The following ORC4 variants were observed in gnomAD, a reference collection of about 807,000 sequenced individuals.
The protein encoded by ORC4 is origin recognition complex, subunit 4 homolog.
ORC4 carries 55 observed loss-of-function variants against 63.9 expected under a neutral mutation model. The observed-to-expected ratio is 0.86, with a 90% confidence interval of 0.69 to 1.08. The LOEUF (loss-of-function observed/expected upper bound fraction) is 1.08, where lower values mean the gene tolerates loss of function less well. Ranked by LOEUF, ORC4 falls within the 50% of genes least tolerant of loss-of-function variation. The pLI is 0.00. For missense variants in ORC4, 511 were observed against 504.4 expected (o/e 1.01, Z -0.13); for synonymous variants, 150 against 168.5 (o/e 0.89, Z 0.85).
chr2:147,988,405 G>A (rs1054217738), intron 1 of ORC4, among the ~76,000 whole-genome samples: 1 of 151,614 alleles, frequency 6.6e-6, no homozygotes, highest in Non-Finnish European at 1.5e-5. Flanking sequence ...TGTCGCCCTG[G>A]TGGGAGTGCA....
At chr2:147,955,728 G>A (rs567428210) in intron 6 of ORC4, among the ~76,000 whole-genome samples, 6 of 152,090 alleles carry the variant, frequency 3.9e-5, no homozygotes, top group Admixed American at 1.3e-4. Flanking sequence ...TTTGAAGGTA[G>A]TTTTGTAGAA....
At chr2:148,015,067 G>A (rs905832911) in intron 1 of ORC4, among the ~76,000 whole-genome samples, 6 of 150,468 alleles carry the variant, frequency 4.0e-5, no homozygotes, top group Admixed American at 2.0e-4. Context: ...AATGCCACAC[G>A]ATGATTGAAC....
chr2:147,993,553 A>G (rs1691753975), intron 1 of ORC4, among the ~76,000 whole-genome samples: 1 of 152,176 alleles, frequency 6.6e-6, no homozygotes, highest in Non-Finnish European at 1.5e-5. Flanking sequence ...ACGAAACGAT[A>G]TTCTCCAATT....
At chr2:147,955,944 A>G (rs1007458422) in intron 6 of ORC4, among the ~76,000 whole-genome samples, 8 of 152,040 alleles carry the variant, frequency 5.3e-5, no homozygotes, top group South Asian at 2.1e-4. Flanking sequence ...GAATTTATGT[A>G]TATCATATCA....
intron 9 of ORC4, among the ~76,000 whole-genome samples, chr2:147,947,307 A>G (rs926688576): frequency 6.6e-6 from 1 of 152,058 alleles, no homozygotes; most frequent in Non-Finnish European, 1.5e-5. Context: ...AGATTCTAGC[A>G]TAAGGGACTT....
intron 1 of ORC4, among the ~76,000 whole-genome samples, chr2:148,020,221 C>A (rs1693613576): frequency 6.6e-6 from 1 of 152,178 alleles, no homozygotes; most frequent in African/African-American, 2.4e-5. Flanking sequence ...ATATGAGCAA[C>A]GCGTGTGATG....
At position 147,931,111 on chromosome 2, in the gene ORC4, G is replaced by GT. The variant is rs1687704974; in HGVS notation, c.*4398dup. 1 of 144,692 alleles carries GT rather than the reference G, an allele frequency of 6.9e-6. No individual in the cohort carries two copies. Among genetic ancestry groups the GT allele is most frequent in the African/African-American group, 2.5e-5 (1 of 39,620 alleles). The allele number at this position is 144,692 out of a possible 1,614,324, so 9.0% of individuals were successfully genotyped here. A position where few individuals can be genotyped will look rare whatever the true frequency, so the allele number is the denominator to read the frequency against. On this transcript the variant is annotated 3_prime_UTR_variant, in exon 14 of 14. Coordinates refer to ENST00000392857, the MANE Select transcript of ORC4 (RefSeq NM_181741.4). ...TATGAGTGAGAATATGCGGTGTTTGGTTTTTTGTTCTTGTGATAGTTTACT... is the reference window on the plus strand; with the variant it reads ...TATGAGTGAGAATATGCGGTGTTTGGTTTTTTTGTTCTTGTGATAGTTTACT...
At position 147,972,734 on chromosome 2, in the gene ORC4, T is replaced by C. The variant is rs1403607828; in HGVS notation, c.225+5A>G. Reference sequence around the variant, plus strand: ...CAACAAACACCAGAAATCAACAGCTTTTACCATAGTTTTTCCTGATCCTCG... The same window carrying C: ...CAACAAACACCAGAAATCAACAGCTCTTACCATAGTTTTTCCTGATCCTCG... On this transcript the variant is annotated splice_donor_5th_base_variant and intron_variant, in intron 4 of 13. Coordinates refer to ENST00000392857, the MANE Select transcript of ORC4 (RefSeq NM_181741.4). The C allele has an allele frequency of 6.3e-7, 1 of 1,587,188 alleles. No homozygotes were observed. The highest frequency in any genetic ancestry group is 1.7e-5 in the Admixed American group (1 of 59,840).
chr2:147,938,267 T>G (rs1558827667), intron 12 of ORC4, 31 bp downstream of exon 12: 2 of 1,589,742 alleles, frequency 1.3e-6, no homozygotes, highest in Non-Finnish European at 1.7e-6. Flanking sequence ...TGGGGAAGAG[T>G]CAGAAAAAAG....
intron 9 of ORC4, among the ~76,000 whole-genome samples, chr2:147,944,786 C>T (rs1688567162): frequency 6.6e-6 from 1 of 151,226 alleles, no homozygotes; most frequent in Non-Finnish European, 1.5e-5. Flanking sequence ...TCTAAGAAGA[C>T]CAGATTCAGA....
chr2:148,020,862 G>A (rs1270047580), upstream of ORC4: 3 of 152,246 alleles, frequency 2.0e-5, no homozygotes, highest in African/African-American at 7.3e-5. Context: ...GAAGGAGGAG[G>A]GAGCTGGGGG....
chr2:147,972,616 T>C (rs945137201), intron 4 of ORC4, 123 bp downstream of exon 4: 14 of 519,994 alleles, frequency 2.7e-5, no homozygotes, highest in Non-Finnish European at 3.9e-5. Context: ...AGTAAAACAT[T>C]ACAAAATAAT....
At chr2:147,989,037 C>G (rs1292012126) in intron 1 of ORC4, among the ~76,000 whole-genome samples, 2 of 151,914 alleles carry the variant, frequency 1.3e-5, no homozygotes, top group Non-Finnish European at 2.9e-5. Flanking sequence ...ATGTGTTGAC[C>G]TAAAAGGAAA....
At chr2:147,985,387 G>A (rs17218910) in intron 1 of ORC4, among the ~76,000 whole-genome samples, 5,190 of 152,102 alleles carry the variant, frequency 0.034, 120 homozygotes, top group Middle Eastern at 0.088. Flanking sequence ...TAGTAGAGAC[G>A]GGGTTTCACC....
Position 147,980,203 on chromosome 2 carries a change from A to G in ORC4, c.-17-4228T>C, listed in dbSNP as rs1409088905. 5.3e-5 allele frequency among the ~76,000 whole-genome samples: 8 copies of G among 152,266 alleles called. No individual in the cohort carries two copies. In the East Asian group the frequency reaches 1.4e-3, roughly 26 times the overall value. ...CTCATCAGCAGATTCAACCAACTTA[A>G]GAGAGAGAAAATTTAGAGGGGAAAA... On this transcript the variant is annotated intron_variant, in intron 1 of 13. Transcript: ENST00000392857.
At chr2:147,980,415 T>G (rs1302043583) in intron 1 of ORC4, among the ~76,000 whole-genome samples, 4 of 152,130 alleles carry the variant, frequency 2.6e-5, no homozygotes, top group Non-Finnish European at 4.4e-5. Context: ...CTACAGATTT[T>G]GGTATCTCAG....
rs956527187 is a variant in ORC4, at chr2:147,932,291, C to T, written c.*3219G>A. 1 of 152,008 alleles carries T rather than the reference C, an allele frequency of 6.6e-6. No homozygotes were observed. The highest frequency in any genetic ancestry group is 1.9e-4 in the East Asian group (1 of 5,182). 9.4% of individuals were successfully genotyped at this position (152,008 alleles called of 1,614,324 possible). A position where few individuals can be genotyped will look rare whatever the true frequency, so the allele number is the denominator to read the frequency against. ...TCAAGGAGAACTACAAGCTACTGCT[C>T]AAGGAAATAAAAGAGGATACAAACA... On this transcript the variant is annotated 3_prime_UTR_variant, in exon 14 of 14. Coordinates refer to ENST00000392857, the MANE Select transcript of ORC4 (RefSeq NM_181741.4).
At chr2:147,959,219 G>A (rs956958766) in intron 4 of ORC4, among the ~76,000 whole-genome samples, 3 of 151,888 alleles carry the variant, frequency 2.0e-5, no homozygotes, top group Non-Finnish European at 2.9e-5. Context: ...ACATCTCTCT[G>A]ACAATTACTC....
At chr2:147,993,592 C>A (rs2105409007) in intron 1 of ORC4, among the ~76,000 whole-genome samples, 1 of 152,194 alleles carries the variant, frequency 6.6e-6, no homozygotes, top group Non-Finnish European at 1.5e-5. Context: ...TGTTGTCCAT[C>A]CCCCCATCAG....
Sources: gnomAD v4.1 joint callset for allele counts (sites outside exome capture counted in the v4.1 genomes callset) on GRCh38, gnomAD v4.1.1 for gene constraint, MANE v1.5 for transcripts, NCBI Gene and HGNC (gene_info 2026-07-23, HGNC 2026-07-21) for gene names.